The following ABCG2 variants were observed in gnomAD, a reference collection of about 807,000 sequenced individuals.
The protein encoded by ABCG2 is ATP binding cassette subfamily G member 2 (JR blood group).
In ABCG2, 80 loss-of-function variants were observed where a neutral mutation model predicts 73.5. The ratio of observed to expected loss-of-function variants is 1.09; its 90% CI spans 0.91 to 1.31. The LOEUF is 1.31. Among genes scored for constraint, ABCG2 ranks in the 50% most tolerant of loss-of-function variants. The pLI is 0.00. For missense variants in ABCG2, 796 were observed against 786.2 expected, an observed-to-expected ratio of 1.01 and a Z score of -0.15; for synonymous variants, 269 against 282.4, an observed-to-expected ratio of 0.95 and a Z score of 0.48.
chr4:88,119,428 G>A (rs1723811340), intron 6 of ABCG2, among the ~76,000 whole-genome samples: 1 of 152,360 alleles, frequency 6.6e-6, no homozygotes, highest in South Asian at 2.1e-4. Flanking sequence ...ACAGGCAGAG[G>A]CTGGAACAGT....
intron 1 of ABCG2, among the ~76,000 whole-genome samples, chr4:88,194,182 G>A (rs1240832725): frequency 6.6e-6 from 1 of 152,182 alleles, no homozygotes; most frequent in Non-Finnish European, 1.5e-5. Context: ...AGGGACTGGA[G>A]TTCCTGTAGC....
Position 88,118,157 on chromosome 4 carries a change from T to G in ABCG2, c.793A>C (p.Met265Leu), listed in dbSNP as rs780593948. The G allele has an allele frequency of 1.2e-6, 2 of 1,613,998 alleles. No individual in the cohort carries two copies. The highest frequency in any genetic ancestry group is 1.3e-5 in the African/African-American group (1 of 74,926). ...SLTLLASGRL[M>L]FHGPAQEALG... ...GCCTCCTGAGCAGGCCCGTGGAACA[T>G]AAGTCTTCCTGAGGCCAATAAGGTG... The change falls in exon 7 of 16, where the codon ATG becomes CTG. Residue 265 changes from methionine to leucine, a missense_variant. Physicochemically the swap from Met to Leu is conservative, Grantham distance 15. Transcript: ENST00000237612.
chr4:88,117,249 G>C (rs1332503263), intron 7 of ABCG2, among the ~76,000 whole-genome samples: 3 of 152,022 alleles, frequency 2.0e-5, no homozygotes, highest in Non-Finnish European at 4.4e-5. Flanking sequence ...GAGCGCGGGG[G>C]GTTGAGGCTG....
At chr4:88,156,444 G>A (rs1209044191) in intron 1 of ABCG2, among the ~76,000 whole-genome samples, 1 of 150,538 alleles carries the variant, frequency 6.6e-6, no homozygotes, top group Non-Finnish European at 1.5e-5. Context: ...GCGCCAACCT[G>A]AAAAAGGTCC....
At chr4:88,221,957 T>C (rs903833988) in intron 1 of ABCG2, among the ~76,000 whole-genome samples, 5 of 152,166 alleles carry the variant, frequency 3.3e-5, no homozygotes, top group African/African-American at 9.6e-5. Flanking sequence ...CTAGGACATG[T>C]CGGAGACCTT....
At chr4:88,115,651 A>T (rs1476785787) in intron 7 of ABCG2, among the ~76,000 whole-genome samples, 1 of 151,860 alleles carries the variant, frequency 6.6e-6, no homozygotes, top group Non-Finnish European at 1.5e-5. Flanking sequence ...AAGAAAAGAA[A>T]ACACTCCAAG....
At chr4:88,214,213 C>T (rs942357601) in intron 1 of ABCG2, among the ~76,000 whole-genome samples, 2 of 151,088 alleles carry the variant, frequency 1.3e-5, no homozygotes, top group African/African-American at 2.4e-5. Context: ...GTCTCAAACT[C>T]GGGCTCCAGC....
chr4:88,119,131 T>C (rs1723789944), intron 6 of ABCG2, among the ~76,000 whole-genome samples: 1 of 152,208 alleles, frequency 6.6e-6, no homozygotes. Context: ...TGAAAAACTC[T>C]CACGAGATCT....
At chr4:88,146,435 C>T (rs1223204269) in intron 1 of ABCG2, among the ~76,000 whole-genome samples, 2 of 151,788 alleles carry the variant, frequency 1.3e-5, no homozygotes, top group South Asian at 4.2e-4. Flanking sequence ...ACTCTGTTGC[C>T]GAGGACGTAG....
At chr4:88,211,955 A>C (rs1729617400) in intron 1 of ABCG2, among the ~76,000 whole-genome samples, 1 of 152,116 alleles carries the variant, frequency 6.6e-6, no homozygotes, top group African/African-American at 2.4e-5. Context: ...GATTTATGGG[A>C]ATTAGAGCTT....
intron 11 of ABCG2, 80 bp downstream of exon 11, chr4:88,101,150 C>G: frequency 8.2e-7 from 1 of 1,215,736 alleles, no homozygotes. Flanking sequence ...CCATCCTTGG[C>G]CCCAACCCCA....
In ABCG2 at chr4:88,136,109, T is replaced by C. The variant is rs77336899; in HGVS notation, c.204-3474A>G. Reference sequence around the variant, plus strand: ...AAAGACAGCTATAGAAACATAAAGATGGAAACTCCCAGGGTGCTGCGGGAA... The same window carrying C: ...AAAGACAGCTATAGAAACATAAAGACGGAAACTCCCAGGGTGCTGCGGGAA... On this transcript the variant is annotated intron_variant, in intron 2 of 15. Coordinates refer to ENST00000237612, the MANE Select transcript of ABCG2 (RefSeq NM_004827.3). 3.4e-4 allele frequency among the ~76,000 whole-genome samples: 51 copies of C among 152,232 alleles called. 1 individual carries two copies. In the East Asian group the frequency reaches 9.1e-3, roughly 27 times the overall value.
chr4:88,168,529 T>A, intron 1 of ABCG2, among the ~76,000 whole-genome samples: 1 of 149,886 alleles, frequency 6.7e-6, no homozygotes, highest in African/African-American at 2.5e-5. Context: ...TATTTGGTTA[T>A]AAAGTTCACT....
rs758930013 is a variant in ABCG2, at chr4:88,195,344, A to AT, written c.-20+35649dup. 2.2e-4 allele frequency among the ~76,000 whole-genome samples: 33 copies of AT among 152,328 alleles called. 1 individual carries two copies. Among genetic ancestry groups the AT allele is most frequent in the Admixed American group, 7.8e-4 (12 of 15,290 alleles). On this transcript the variant is annotated intron_variant, in intron 1 of 15. Coordinates refer to the ABCG2 transcript ENST00000515655. Reference sequence around the variant, plus strand: ...CATTTATAACTAATTTTACTGTAACATATCAGAATAAAGAATGTGTTAACT... The same window carrying AT: ...CATTTATAACTAATTTTACTGTAACATTATCAGAATAAAGAATGTGTTAACT...
rs184391129 is a variant in ABCG2 at position 88,106,166 on chromosome 4, C to T, written c.1277+1018G>A. Reference sequence around the variant, plus strand: ...TGTTTGTTTTTTTAAGAGACAGGGTCGAACTCTGTCACCCAGGCTGGACTG... The same window carrying T: ...TGTTTGTTTTTTTAAGAGACAGGGTTGAACTCTGTCACCCAGGCTGGACTG... On this transcript the variant is annotated intron_variant, in intron 10 of 15. Transcript: ENST00000237612. Among the ~76,000 whole-genome samples, 277 of 152,046 alleles carry T rather than the reference C, an allele frequency of 1.8e-3. 1 individual carries two copies. Among genetic ancestry groups the T allele is most frequent in the Middle Eastern group, 0.01 (3 of 294 alleles).
chr4:88,117,418 T>C (rs1260757372), intron 7 of ABCG2, among the ~76,000 whole-genome samples: 2 of 151,648 alleles, frequency 1.3e-5, no homozygotes, highest in Admixed American at 6.6e-5. Context: ...GATCACAAGG[T>C]CAGGAGATCA....
intron 1 of ABCG2, among the ~76,000 whole-genome samples, chr4:88,193,410 G>C (rs1728786498): frequency 1.3e-5 from 2 of 152,102 alleles, no homozygotes; most frequent in Non-Finnish European, 2.9e-5. Flanking sequence ...TTTCTCACAA[G>C]GTTTTTGTGC....
At chr4:88,094,730 A>C in intron 14 of ABCG2, 71 bp from the exon 15 acceptor site, 1 of 1,147,990 alleles carries the variant, frequency 8.7e-7, no homozygotes, top group Admixed American at 1.7e-5. Context: ...GAGTTATCAC[A>C]ATCATGCCCT....
intron 1 of ABCG2, among the ~76,000 whole-genome samples, chr4:88,224,184 T>A (rs757582337): frequency 2.0e-5 from 3 of 152,234 alleles, no homozygotes; most frequent in Non-Finnish European, 4.4e-5. Context: ...GCACAGTGGC[T>A]CACGCCTGTA....
Sources: gnomAD v4.1 joint callset for allele counts (sites outside exome capture counted in the v4.1 genomes callset) on GRCh38, gnomAD v4.1.1 for gene constraint, MANE v1.5 for transcripts, NCBI Gene and HGNC (gene_info 2026-07-23, HGNC 2026-07-21) for gene names.